ATP8B1: variants seen among roughly 807,000 people sequenced by gnomAD.
ATP8B1 encodes the protein phospholipid-transporting ATPase IC.
ATP8B1 carries 80 observed loss-of-function variants against 149.9 expected under a neutral mutation model. That is an observed-to-expected ratio of 0.53 (90% confidence interval 0.45 to 0.64). ATP8B1 has a LOEUF of 0.64. Among genes scored for constraint, ATP8B1 ranks in the 30% least tolerant of loss-of-function variants. ATP8B1 has a pLI of 0.00. For synonymous variants in ATP8B1, 536 were observed against 562.8 expected (o/e 0.95, Z 0.67); for missense variants, 1,247 against 1,552.6 (o/e 0.80, Z 3.31).
intron 20 of ATP8B1, among the ~76,000 whole-genome samples, chr18:57,665,677 C>T (rs1259639940): frequency 1.3e-5 from 2 of 151,956 alleles, no homozygotes; most frequent in African/African-American, 2.4e-5. Context: ...CTCAGTCTCC[C>T]GAGTAGCTGG....
chr18:57,801,710 T>A (rs969499648), intron 1 of ATP8B1, among the ~76,000 whole-genome samples: 6 of 152,122 alleles, frequency 3.9e-5, no homozygotes, highest in African/African-American at 1.4e-4. Flanking sequence ...TCTCCAAACA[T>A]CCCACTAGTT....
intron 1 of ATP8B1, among the ~76,000 whole-genome samples, chr18:57,797,899 G>C (rs2080531816): frequency 1.3e-5 from 2 of 151,730 alleles, no homozygotes; most frequent in South Asian, 4.2e-4. Context: ...TAAAGATGAG[G>C]TTTCACTATG....
At chr18:57,738,865 T>C (rs1175684268) in intron 1 of ATP8B1, among the ~76,000 whole-genome samples, 1 of 152,118 alleles carries the variant, frequency 6.6e-6, no homozygotes, top group African/African-American at 2.4e-5. Flanking sequence ...GATTGAATTA[T>C]GGCCCCCGAA....
At position 57,706,513 on chromosome 18, in the gene ATP8B1, A is replaced by G; in HGVS notation, c.256T>C (p.Cys86Arg). The G allele has an allele frequency of 1.2e-6, 2 of 1,613,974 alleles. No homozygotes were observed. Among genetic ancestry groups the G allele is most frequent in the Non-Finnish European group, 1.7e-6 (2 of 1,179,892 alleles). ...ACCGCATATTTACTCTCCTTAATAC[A>G]CAAGAATTTTGTGTTCATAAAGTGA... ...QPHFMNTKFLCIKESKYANNA... is the reference protein window; with the variant it reads ...QPHFMNTKFLRIKESKYANNA... Residue 86 changes from cysteine to arginine, a missense_variant, in exon 3 of 28, where the codon TGT becomes CGT. Cys to Arg is a radical substitution (Grantham distance 180). This residue lies in a region of ATP8B1 where 853 missense variants were observed against 1,035.7 expected (regional missense o/e 0.82). Coordinates refer to ENST00000648908, the MANE Select transcript of ATP8B1 (RefSeq NM_001374385.1).
chr18:57,658,627 TTGTGTGTGTGTGTGTGTGTG>T (rs71171058), intron 22 of ATP8B1, among the ~76,000 whole-genome samples: 1 of 144,988 alleles, frequency 6.9e-6, no homozygotes, highest in African/African-American at 2.6e-5. Context: ...AACAATTTCT[TTGTGTGTGTGTGTGTGTGTG>T]TGTGTGTGTG....
At chr18:57,758,667 AAAGATAGTTGT>A (rs1175882193) in intron 1 of ATP8B1, among the ~76,000 whole-genome samples, 1 of 150,902 alleles carries the variant, frequency 6.6e-6, no homozygotes, top group African/African-American at 2.5e-5. Context: ...AAAAAAAAAA[AAAGATAGTTGT>A]ATTTTTCCTT....
intron 15 of ATP8B1, among the ~76,000 whole-genome samples, chr18:57,677,600 C>G (rs181989543): frequency 1.1e-3 from 175 of 152,228 alleles, no homozygotes; most frequent in African/African-American, 4.0e-3. Flanking sequence ...CTTTTTAAGT[C>G]AATATTAATC....
intron 1 of ATP8B1, among the ~76,000 whole-genome samples, chr18:57,785,982 T>C (rs556477154): frequency 9.8e-4 from 150 of 152,286 alleles, no homozygotes; most frequent in Non-Finnish European, 1.7e-3. Context: ...CAATTATTGG[T>C]TCGATGTTGT....
chr18:57,798,283 C>A (rs1032064269), intron 1 of ATP8B1, among the ~76,000 whole-genome samples: 2 of 151,890 alleles, frequency 1.3e-5, no homozygotes, highest in Non-Finnish European at 2.9e-5. Flanking sequence ...AACAAAAAAA[C>A]CAGGAGTGTG....
chr18:57,750,777 A>G (rs541325637), intron 1 of ATP8B1, among the ~76,000 whole-genome samples: 1 of 152,330 alleles, frequency 6.6e-6, no homozygotes, highest in African/African-American at 2.4e-5. Flanking sequence ...ACTAACCATG[A>G]CAGCTAACTT....
intron 16 of ATP8B1, among the ~76,000 whole-genome samples, chr18:57,673,157 C>G (rs965057667): frequency 9.2e-5 from 14 of 151,488 alleles, no homozygotes; most frequent in African/African-American, 3.4e-4. Flanking sequence ...GAGGGAACAT[C>G]AGACAAACGC....
chr18:57,664,233 A>G (rs1910711305), intron 20 of ATP8B1, among the ~76,000 whole-genome samples: 1 of 151,914 alleles, frequency 6.6e-6, no homozygotes, highest in African/African-American at 2.4e-5. Context: ...TAGGCCAGGC[A>G]CTGTGGCTCA....
At chr18:57,693,037 C>T (rs1568198643) in intron 11 of ATP8B1, among the ~76,000 whole-genome samples, 1 of 152,094 alleles carries the variant, frequency 6.6e-6, no homozygotes, top group Non-Finnish European at 1.5e-5. Context: ...GCCAAACAGG[C>T]TCTTTGAGAG....
intron 2 of ATP8B1, among the ~76,000 whole-genome samples, chr18:57,713,157 C>CTCTTTCTCTCTT (rs1913768112): frequency 4.3e-5 from 4 of 92,098 alleles, no homozygotes; most frequent in African/African-American, 1.9e-4. Flanking sequence ...CTTGATCTTT[C>CTCTTTCTCTCTT]TCTTTCTTTC....
chr18:57,661,422 A>G lies in ATP8B1; in HGVS notation c.2459T>C (p.Ile820Thr), dbSNP rs1910396470. 6.2e-7 allele frequency: 1 copy of G among 1,613,658 alleles called. No individual in the cohort carries two copies. The highest frequency in any genetic ancestry group is 1.1e-5 in the South Asian group (1 of 91,024). ...TGTTCTTGGGAACTTCAGCTTCAGAATCTTATTTCTCTTGGTCTTTTTCTC... is the reference window on the plus strand; with the variant it reads ...TGTTCTTGGGAACTTCAGCTTCAGAGTCTTATTTCTCTTGGTCTTTTTCTC... The part of the protein sequence containing the change: ...LLEKKTKRNK[I>T]LKLKFPRTEE... Residue 820 changes from isoleucine to threonine, a missense_variant, in exon 22 of 28, where the codon ATT becomes ACT. This residue lies in a region of ATP8B1 where 853 missense variants were observed against 1,035.7 expected (regional missense o/e 0.82). Transcript: ENST00000648908.
chr18:57,780,848 C>T (rs1179639534), intron 1 of ATP8B1, among the ~76,000 whole-genome samples: 1 of 152,206 alleles, frequency 6.6e-6, no homozygotes, highest in African/African-American at 2.4e-5. Flanking sequence ...CTCGTCCTGA[C>T]ATAACTGATT....
At chr18:57,744,816 G>A (rs748678816) in intron 1 of ATP8B1, among the ~76,000 whole-genome samples, 5 of 152,102 alleles carry the variant, frequency 3.3e-5, no homozygotes, top group Non-Finnish European at 5.9e-5. Flanking sequence ...CTGCACTCCC[G>A]AAAGACATAC....
At position 57,706,432 on chromosome 18, in the gene ATP8B1, C is replaced by G. The variant is rs547612113; in HGVS notation, c.279+58G>C. The G allele has an allele frequency of 7.0e-6, 10 of 1,419,976 alleles. No homozygotes were observed. The African/African-American group carries it at 9.9e-5, about 14-fold the overall frequency. 88.0% of individuals were successfully genotyped at this position (1,419,976 alleles called of 1,614,324 possible). A position where few individuals can be genotyped will look rare whatever the true frequency, so the allele number is the denominator to read the frequency against. ...GTGTAGCATGAAGGTAGTAAGCATG[C>G]CAGCTACTGGAAAAAACTGCATTTT... is the stretch of plus-strand genomic sequence containing the variant. On this transcript the variant is annotated intron_variant, in intron 3 of 27. Coordinates refer to ENST00000648908, the MANE Select transcript of ATP8B1 (RefSeq NM_001374385.1).
At chr18:57,775,340 G>A (rs1019248560) in intron 1 of ATP8B1, among the ~76,000 whole-genome samples, 1 of 151,472 alleles carries the variant, frequency 6.6e-6, no homozygotes, top group African/African-American at 2.4e-5. Flanking sequence ...GAAAGAGAAG[G>A]AAGGAGGGGG....
Sources: allele counts gnomAD v4.1 joint callset (sites outside exome capture counted in the v4.1 genomes callset), GRCh38; gene constraint gnomAD v4.1.1; regional missense constraint gnomAD v4.1.1; transcripts MANE v1.5; gene names NCBI Gene and HGNC (gene_info 2026-07-23, HGNC 2026-07-21).